ZNF469: variants seen among roughly 807,000 people sequenced by gnomAD.
The protein encoded by ZNF469 is zinc finger protein 469.
A neutral mutation model predicts 1.0 loss-of-function variants in ZNF469; 1 was observed. That is an observed-to-expected ratio of 1.00 (90% CI 0.35 to 4.73). The LOEUF (loss-of-function observed/expected upper bound fraction) is 4.73, where lower values mean the gene tolerates loss of function less well. ZNF469 is among the 30% of genes most tolerant of loss of function. The pLI, the probability that ZNF469 is intolerant of heterozygous loss-of-function variation, is 0.16. For synonymous variants in ZNF469, 2,703 were observed against 2,363.4 expected, an observed-to-expected ratio of 1.14 and a Z score of -4.17; for missense variants, 6,100 against 5,356.3, an observed-to-expected ratio of 1.14 and a Z score of -4.33.
the ZNF469 span, among the ~76,000 whole-genome samples, chr16:88,224,212 G>A: frequency 2.0e-5 from 3 of 152,122 alleles, no homozygotes; most frequent in Non-Finnish European, 2.9e-5. Flanking sequence ...GAAGACACGC[G>A]GCCACACACA....
the ZNF469 span, among the ~76,000 whole-genome samples, chr16:88,173,451 C>T: frequency 6.6e-6 from 1 of 151,986 alleles, no homozygotes; most frequent in African/African-American, 2.4e-5. Flanking sequence ...TCATTGTCAG[C>T]AAATCTGTTC....
chr16:88,410,325 C>T (rs1905118332), intron 1 of ZNF469, among the ~76,000 whole-genome samples: 1 of 148,498 alleles, frequency 6.7e-6, no homozygotes, highest in Non-Finnish European at 1.5e-5. Context: ...ATCTATGGTG[C>T]ATGGTTCACA....
At chr16:88,260,965 G>A in the ZNF469 span, among the ~76,000 whole-genome samples, 11 of 152,304 alleles carry the variant, frequency 7.2e-5, no homozygotes, top group South Asian at 4.2e-4. The surrounding 1 kb of genome is among the most constrained non-coding windows in gnomAD (Gnocchi z 4.1). Context: ...TGACCAAAAC[G>A]CCTGCAGCCC....
At chr16:88,390,761 G>T (rs938454784) in intron 1 of ZNF469, among the ~76,000 whole-genome samples, 7 of 152,242 alleles carry the variant, frequency 4.6e-5, no homozygotes, top group Admixed American at 4.6e-4. Flanking sequence ...GCGTCTCTGA[G>T]CTGGGTGGGT....
the ZNF469 span, among the ~76,000 whole-genome samples, chr16:88,377,685 C>T: frequency 6.6e-6 from 1 of 152,078 alleles, no homozygotes; most frequent in Admixed American, 6.5e-5. Context: ...TATCTCCCTC[C>T]TCCAGCCCTC....
chr16:88,370,264 G>C, the ZNF469 span, among the ~76,000 whole-genome samples: 90 of 152,310 alleles, frequency 5.9e-4, 1 homozygote, highest in African/African-American at 2.0e-3. Flanking sequence ...TCTGGTGAGA[G>C]CATATGTATT....
the ZNF469 span, among the ~76,000 whole-genome samples, chr16:88,351,220 C>T: frequency 1.3e-5 from 2 of 152,178 alleles, no homozygotes; most frequent in East Asian, 1.9e-4. Context: ...AAAGGCTGGA[C>T]GGCTGCCCCC....
the ZNF469 span, among the ~76,000 whole-genome samples, chr16:88,155,647 G>C: frequency 6.6e-6 from 1 of 152,188 alleles, no homozygotes; most frequent in Non-Finnish European, 1.5e-5. Flanking sequence ...CCATTCCTTT[G>C]TATGACTGAA....
At chr16:88,227,271 G>C in the ZNF469 span, among the ~76,000 whole-genome samples, 4 of 152,302 alleles carry the variant, frequency 2.6e-5, no homozygotes, top group Non-Finnish European at 5.9e-5. Flanking sequence ...CCCAGGGCCG[G>C]GAACAGTGTC....
At chr16:88,200,417 A>AACCGCAGAAGGG in the ZNF469 span, among the ~76,000 whole-genome samples, 1 of 152,366 alleles carries the variant, frequency 6.6e-6, no homozygotes, top group South Asian at 2.1e-4. Flanking sequence ...GGGACCGAGG[A>AACCGCAGAAGGG]ACCGCAGAAG....
chr16:88,236,586 G>C, the ZNF469 span, among the ~76,000 whole-genome samples: 3 of 152,254 alleles, frequency 2.0e-5, no homozygotes, highest in African/African-American at 7.2e-5. Flanking sequence ...TTATTTTTGG[G>C]CTGGGCGCGG....
chr16:88,329,158 G>T, the ZNF469 span, among the ~76,000 whole-genome samples: 1 of 152,174 alleles, frequency 6.6e-6, no homozygotes, highest in African/African-American at 2.4e-5. Flanking sequence ...CAACAACAGG[G>T]AGCCACAGAA....
intron 1 of ZNF469, among the ~76,000 whole-genome samples, chr16:88,423,737 G>T (rs985074178): frequency 6.6e-6 from 1 of 152,200 alleles, no homozygotes; most frequent in Admixed American, 6.5e-5. Flanking sequence ...GGAGGCCTCT[G>T]TTCCTCACCT....
chr16:88,146,508 C>T, the ZNF469 span, among the ~76,000 whole-genome samples: 1 of 152,114 alleles, frequency 6.6e-6, no homozygotes, highest in Non-Finnish European at 1.5e-5. Flanking sequence ...GAGTGGCACC[C>T]TCCCCCCAGT....
At chr16:88,348,929 G>T in the ZNF469 span, among the ~76,000 whole-genome samples, 1 of 152,144 alleles carries the variant, frequency 6.6e-6, no homozygotes, top group Non-Finnish European at 1.5e-5. Context: ...CGCTCTCCCG[G>T]GACAGGGTAG....
chr16:88,171,920 C>T, the ZNF469 span, among the ~76,000 whole-genome samples: 3 of 152,210 alleles, frequency 2.0e-5, no homozygotes, highest in Non-Finnish European at 4.4e-5. Context: ...GGGATTTACC[C>T]TCCTGCTGCT....
chr16:88,377,221 A>G, the ZNF469 span, among the ~76,000 whole-genome samples: 3 of 152,212 alleles, frequency 2.0e-5, no homozygotes, highest in Non-Finnish European at 4.4e-5. Context: ...AGAAGGCAGG[A>G]GCCGGGGTGG....
chr16:88,157,542 T>C, the ZNF469 span, among the ~76,000 whole-genome samples: 1 of 151,962 alleles, frequency 6.6e-6, no homozygotes, highest in Non-Finnish European at 1.5e-5. Flanking sequence ...CACCCATCTC[T>C]CCTCCACCCT....
Position 88,434,996 on chromosome 16 carries a change from C to A in ZNF469, c.7526C>A (p.Ala2509Asp). 1 of 1,550,278 alleles carries A rather than the reference C, an allele frequency of 6.5e-7. No homozygotes were observed. The highest frequency in any genetic ancestry group is 1.2e-5 in the South Asian group (1 of 84,066). The change falls in exon 3 of 3, where the codon GCC (alanine) becomes GAC (aspartate). Residue 2509 changes from alanine to aspartate, a missense_variant. Transcript: ENST00000565624. ...GCCCCCGCGGAGCCGAGCCCAGCGG[C>A]CTTGCCTGCTCAGCAGCCTCTAGAG... ...PGAPAEPSPA[A>D]LPAQQPLEPL...
Sources: gnomAD v4.1 joint callset for allele counts (sites outside exome capture counted in the v4.1 genomes callset) on GRCh38, gnomAD v4.1.1 for gene constraint, Gnocchi (gnomAD v3.1) non-coding constraint, MANE v1.5 for transcripts, NCBI Gene and HGNC (gene_info 2026-07-23, HGNC 2026-07-21) for gene names.